FAM169A: variants seen among roughly 807,000 people sequenced by gnomAD.
FAM169A encodes the protein family with sequence similarity 169 member A.
FAM169A carries 24 observed loss-of-function variants against 75.7 expected under a neutral mutation model. The observed-to-expected ratio is 0.32, with a 90% CI of 0.23 to 0.45. FAM169A has a LOEUF of 0.45. FAM169A is among the 20% of genes least tolerant of loss of function. The pLI, the probability that FAM169A is intolerant of heterozygous loss-of-function variation, is 1.00. For synonymous variants in FAM169A, 271 were observed against 271.0 expected (o/e 1.00, Z 0.00); for missense variants, 673 against 784.0 (o/e 0.86, Z 1.69).
intron 8 of FAM169A, among the ~76,000 whole-genome samples, chr5:74,802,560 T>G (rs1192152925): frequency 3.3e-5 from 5 of 152,100 alleles, no homozygotes; most frequent in Non-Finnish European, 7.4e-5. Flanking sequence ...CACCCACCCT[T>G]TAAAAGTCAT....
At chr5:74,855,472 A>C (rs112355425) in intron 1 of FAM169A, among the ~76,000 whole-genome samples, 3,663 of 152,308 alleles carry the variant, frequency 0.024, 147 homozygotes, top group African/African-American at 0.084. Context: ...CGCTGGGATT[A>C]TAGGCATAAG....
At chr5:74,824,740 C>A (rs1335094151) in intron 5 of FAM169A, among the ~76,000 whole-genome samples, 1 of 151,440 alleles carries the variant, frequency 6.6e-6, no homozygotes, top group Non-Finnish European at 1.5e-5. Context: ...TACACACACA[C>A]AAACACACTT....
intron 5 of FAM169A, among the ~76,000 whole-genome samples, chr5:74,833,388 G>A (rs901054269): frequency 6.6e-6 from 1 of 152,050 alleles, no homozygotes; most frequent in East Asian, 1.9e-4. Context: ...AAAAGTTACT[G>A]GTTCTATTTC....
chr5:74,813,849 T>C lies in FAM169A; in HGVS notation c.661A>G (p.Met221Val), dbSNP rs781740236. 7 of 1,573,946 alleles carry C rather than the reference T, an allele frequency of 4.4e-6. No homozygotes were observed. In the South Asian group the frequency reaches 4.8e-5, roughly 11 times the overall value. ...AACTTAGTCCATTTACCTGTATACA[T>C]GAGAGAAGACAGTGGATACCGCAAG... ...LGLRYPLSSL[M>V]YTACKQYFEK... Residue 221 changes from methionine (M) to valine (V), a missense_variant, in exon 6 of 13, where the codon ATG becomes GTG. Physicochemically the swap from Met to Val is conservative, Grantham distance 21. This residue lies in a region of FAM169A where 510 missense variants were observed against 550.9 expected (regional missense o/e 0.93). Transcript: ENST00000687041.
chr5:74,797,649 C>A (rs572119200), intron 10 of FAM169A, among the ~76,000 whole-genome samples: 3 of 152,190 alleles, frequency 2.0e-5, no homozygotes, highest in Non-Finnish European at 4.4e-5. Context: ...CAATTGAGTT[C>A]TTTAGTTGCA....
At chr5:74,817,324 CTA>C (rs1747522560) in intron 5 of FAM169A, among the ~76,000 whole-genome samples, 4 of 151,808 alleles carry the variant, frequency 2.6e-5, no homozygotes, top group Admixed American at 1.3e-4. Flanking sequence ...AAAAACAAAA[CTA>C]TTAAAACTAT....
intron 10 of FAM169A, among the ~76,000 whole-genome samples, chr5:74,796,421 TCC>T (rs1561292943): frequency 2.2e-5 from 2 of 89,676 alleles, no homozygotes; most frequent in Non-Finnish European, 4.6e-5. Flanking sequence ...TTTTTTTTTT[TCC>T]GAGATAAAGT....
At chr5:74,799,084 G>A (rs1046735876) in intron 10 of FAM169A, 17 of 986,024 alleles carry the variant, frequency 1.7e-5, no homozygotes, top group Admixed American at 3.4e-5. Context: ...CAATAATCAC[G>A]AAGTGCACAT....
chr5:74,823,962 C>T (rs1387849572), intron 5 of FAM169A, among the ~76,000 whole-genome samples: 2 of 152,074 alleles, frequency 1.3e-5, no homozygotes, highest in East Asian at 1.9e-4. Context: ...TTTTAGTGAA[C>T]AGGAAGTGAG....
At chr5:74,834,630 T>C in intron 4 of FAM169A, 33 bp from the exon 5 acceptor site, 1 of 1,459,652 alleles carries the variant, frequency 6.9e-7, no homozygotes, top group Non-Finnish European at 9.1e-7. Flanking sequence ...GGCACAGCAG[T>C]TATAATATGC....
intron 6 of FAM169A, among the ~76,000 whole-genome samples, chr5:74,808,082 CACAGAATT>C (rs1469281230): frequency 1.3e-5 from 2 of 152,232 alleles, no homozygotes; most frequent in Non-Finnish European, 2.9e-5. Flanking sequence ...AAAAATGAAA[CACAGAATT>C]ACCGTATGAC....
intron 4 of FAM169A, among the ~76,000 whole-genome samples, chr5:74,836,726 T>C (rs1748588492): frequency 6.6e-6 from 1 of 152,102 alleles, no homozygotes; most frequent in African/African-American, 2.4e-5. Flanking sequence ...GGCAGGTGGA[T>C]CACTTGTGGT....
At chr5:74,837,778 G>GT (rs1383539459) in intron 4 of FAM169A, among the ~76,000 whole-genome samples, 1 of 152,086 alleles carries the variant, frequency 6.6e-6, no homozygotes, top group African/African-American at 2.4e-5. Flanking sequence ...TCCTAGAAGT[G>GT]TTCTAAAGGA....
intron 1 of FAM169A, among the ~76,000 whole-genome samples, chr5:74,851,276 T>C (rs962169187): frequency 6.6e-6 from 1 of 152,192 alleles, no homozygotes; most frequent in Admixed American, 6.5e-5. Context: ...CTCTCTTGGA[T>C]ACGGCCTATC....
At chr5:74,817,325 T>C (rs1364224059) in intron 5 of FAM169A, among the ~76,000 whole-genome samples, 1 of 151,708 alleles carries the variant, frequency 6.6e-6, no homozygotes, top group Non-Finnish European at 1.5e-5. Flanking sequence ...AAAACAAAAC[T>C]ATTAAAACTA....
chr5:74,812,690 G>A (rs551605533), intron 6 of FAM169A, among the ~76,000 whole-genome samples: 9 of 152,084 alleles, frequency 5.9e-5, no homozygotes, highest in African/African-American at 1.9e-4. Flanking sequence ...TTTCTCCAAA[G>A]AAGATATACA....
In FAM169A at chr5:74,820,954, C is replaced by A. The variant is rs1009718465; in HGVS notation, c.491-6935G>T. Among the ~76,000 whole-genome samples, 7 of 152,304 alleles carry A rather than the reference C, an allele frequency of 4.6e-5. 1 individual carries two copies. The South Asian group carries it at 1.4e-3, about 32-fold the overall frequency. On this transcript the variant is annotated intron_variant, in intron 5 of 12. Transcript: ENST00000687041. ...TCCCAAACTTGTTTCTGCCTCAGGG[C>A]TTCTGCATTTTCAGCTCTTTGCCTG...
chr5:74,790,301 G>A (rs1310511278), intron 11 of FAM169A, among the ~76,000 whole-genome samples: 3 of 152,194 alleles, frequency 2.0e-5, no homozygotes, highest in Admixed American at 1.3e-4. Flanking sequence ...TTTCCTGAAG[G>A]ACACTGGTGA....
At chr5:74,807,037 T>C (rs1746920975) in intron 6 of FAM169A, among the ~76,000 whole-genome samples, 1 of 152,208 alleles carries the variant, frequency 6.6e-6, no homozygotes, top group Non-Finnish European at 1.5e-5. Context: ...TTTGCAACAG[T>C]AAAGTTGAAA....
Sources: gnomAD v4.1 joint callset for allele counts (sites outside exome capture counted in the v4.1 genomes callset) on GRCh38, gnomAD v4.1.1 for gene constraint, gnomAD v4.1.1 regional missense constraint, MANE v1.5 for transcripts, NCBI Gene and HGNC (gene_info 2026-07-23, HGNC 2026-07-21) for gene names.